Variants in PFKM observed in about 807,000 individuals in gnomAD.
PFKM encodes the protein phosphofructokinase, muscle, also known as ATP-dependent 6-phosphofructokinase, muscle type.
Under a neutral mutation model 95.5 loss-of-function variants are expected in PFKM, and 58 were observed. That is an observed-to-expected ratio of 0.61 (90% CI 0.49 to 0.76). PFKM has a LOEUF of 0.76. Ranked by LOEUF, PFKM falls within the 30% of genes least tolerant of loss-of-function variation. The pLI is 0.00. For missense variants in PFKM, 678 were observed against 1,005.4 expected, an observed-to-expected ratio of 0.67 and a Z score of 4.40; for synonymous variants, 336 against 357.2, an observed-to-expected ratio of 0.94 and a Z score of 0.67.
chr12:48,136,849 G>A (rs76025392), intron 10 of PFKM, among the ~76,000 whole-genome samples: 23 of 151,660 alleles, frequency 1.5e-4, no homozygotes, highest in South Asian at 1.5e-3. Context: ...TGCCCCCTGG[G>A]TTCAAGGGAT....
At chr12:48,118,834 C>T (rs1210058603), upstream of PFKM, among the ~76,000 whole-genome samples, 2 of 152,118 alleles carry the variant, frequency 1.3e-5, no homozygotes, top group African/African-American at 4.8e-5. Context: ...GTTTTTGAGG[C>T]TATTCTATAG....
rs1349236177 is a variant in PFKM, at chr12:48,131,221, T to C, written c.160-95T>C. On this transcript the variant is annotated intron_variant, in intron 3 of 22. Transcript: ENST00000359794. ...GACTCACTAATGGGAGGAGGTGGCT[T>C]GACTCTCAGAGAATCTCTTCCCAGG... 8.0e-6 allele frequency: 7 copies of C among 870,142 alleles called. No individual in the cohort carries two copies. In the African/African-American group the frequency reaches 1.2e-4, roughly 14 times the overall value. 53.9% of individuals were successfully genotyped at this position (870,142 alleles called of 1,614,324 possible).
intron 3 of PFKM, among the ~76,000 whole-genome samples, chr12:48,111,797 G>A (rs776747121): frequency 3.3e-5 from 5 of 152,164 alleles, no homozygotes; most frequent in Admixed American, 6.5e-5. Flanking sequence ...GTGGGAGGCC[G>A]GATGGAAGTC....
intron 1 of PFKM, 177 bp from the exon 2 acceptor site, chr12:48,122,590 C>A: frequency 6.9e-7 from 1 of 1,457,418 alleles, no homozygotes. Flanking sequence ...GCTTGTCAGT[C>A]TACAAGGGTG....
chr12:48,139,972 A>T, intron 13 of PFKM, 60 bp downstream of exon 13: 1 of 1,101,732 alleles, frequency 9.1e-7, no homozygotes, highest in Non-Finnish European at 1.4e-6. Context: ...GTCTCTCTTC[A>T]TAAATGCTAC....
upstream of PFKM, chr12:48,105,682 G>A (rs1946487711): frequency 2.2e-6 from 1 of 445,490 alleles, no homozygotes; most frequent in South Asian, 2.1e-5. Context: ...CAGCTCTGGC[G>A]GGAAAGCCCC....
chr12:48,130,254 T>G, intron 2 of PFKM, 109 bp from the exon 3 acceptor site: 1 of 804,354 alleles, frequency 1.2e-6, no homozygotes, highest in Non-Finnish European at 2.3e-6. Context: ...GAGAAAAGAC[T>G]AAATAAAGTA....
At chr12:48,135,920 GC>G (rs1209358383) in intron 10 of PFKM, among the ~76,000 whole-genome samples, 7,317 of 151,088 alleles carry the variant, frequency 0.048, 497 homozygotes, top group African/African-American at 0.15. Context: ...ACGCACCATT[GC>G]ACTCGCTCCC....
At position 48,139,274 on chromosome 12, in the gene PFKM, TC is replaced by T. The variant is rs757603988; in HGVS notation, c.1063-5del. On this transcript the variant is annotated splice_polypyrimidine_tract_variant and intron_variant, in intron 11 of 22. Coordinates refer to ENST00000359794, the MANE Select transcript of PFKM (RefSeq NM_000289.6). ...CCTGGAGTTGAAACTGTCGCTGTGC[TC>T]CCCCCTCAGACCAAAGATGTGACCA... The T allele has an allele frequency of 1.9e-6, 3 of 1,610,820 alleles. No individual in the cohort carries two copies. The highest frequency in any genetic ancestry group is 2.5e-6 in the Non-Finnish European group (3 of 1,177,720).
At chr12:48,105,708 C>T (rs1478194206), upstream of PFKM, 8 of 489,048 alleles carry the variant, frequency 1.6e-5, no homozygotes, top group South Asian at 1.7e-4. Context: ...CGCAACCGGC[C>T]TTTCCCCAAG....
chr12:48,125,221 C>A, intron 2 of PFKM: 1 of 382,092 alleles, frequency 2.6e-6, no homozygotes, highest in Non-Finnish European at 5.2e-6. Flanking sequence ...TCGGCATATT[C>A]TACCCCTGGA....
chr12:48,138,723 T>G (rs1450923059), intron 11 of PFKM, among the ~76,000 whole-genome samples: 1 of 152,178 alleles, frequency 6.6e-6, no homozygotes, highest in African/African-American at 2.4e-5. Flanking sequence ...ATACTATTTA[T>G]CTGTGAGCAT....
intron 17 of PFKM, chr12:48,142,511 TG>T (rs1555207332): frequency 4.1e-6 from 2 of 488,680 alleles, no homozygotes; most frequent in African/African-American, 4.9e-5. Flanking sequence ...CCAAATGTTT[TG>T]TTTGTTTTTT....
intron 10 of PFKM, among the ~76,000 whole-genome samples, chr12:48,136,327 T>C (rs558385007): frequency 6.6e-6 from 1 of 152,378 alleles, no homozygotes; most frequent in Non-Finnish European, 1.5e-5. Context: ...AGCATAATTC[T>C]CTAGATGTTT....
rs1565889540 is a variant in PFKM at position 48,134,354 on chromosome 12, G to GT, written c.638+79dup. On this transcript the variant is annotated intron_variant, in intron 7 of 22. Transcript: ENST00000359794. ...CCTTTTCCCCAGAGAGTCCAGTGAG[G>GT]TCTCTCAGTAGCAGCAGATCTGGAG... is the stretch of plus-strand genomic sequence containing the variant. The GT allele has an allele frequency of 4.9e-6, 6 of 1,233,606 alleles. No individual in the cohort carries two copies. The East Asian group carries it at 1.4e-4, about 29-fold the overall frequency. The allele number at this position is 1,233,606 out of a possible 1,614,324, so 76.4% of individuals were successfully genotyped here.
At chr12:48,124,869 C>T (rs558649992) in intron 2 of PFKM, among the ~76,000 whole-genome samples, 1 of 152,290 alleles carries the variant, frequency 6.6e-6, no homozygotes, top group South Asian at 2.1e-4. Flanking sequence ...AGCTCAAATT[C>T]AGAAGTCGCC....
chr12:48,143,117 A>G (rs957779174), intron 18 of PFKM, among the ~76,000 whole-genome samples, 171 bp downstream of exon 18: 3 of 152,232 alleles, frequency 2.0e-5, no homozygotes, highest in African/African-American at 7.2e-5. Context: ...CCTCATATGC[A>G]TGACCGCAGC....
chr12:48,143,018 A>G lies in PFKM; in HGVS notation c.1818+72A>G. 2.1e-6 allele frequency: 3 copies of G among 1,434,582 alleles called. No homozygotes were observed. In the South Asian group the frequency reaches 3.6e-5, roughly 17 times the overall value. The allele number at this position is 1,434,582 out of a possible 1,614,324, so 88.9% of individuals were successfully genotyped here. A position where few individuals can be genotyped will look rare whatever the true frequency, so the allele number is the denominator to read the frequency against. On this transcript the variant is annotated intron_variant, in intron 18 of 22. Transcript: ENST00000359794. ...GACTGTTTCCACAGTGATCTGAACT[A>G]TGAGAGCTCAAGTTGAGGACCGAGC...
At position 48,141,839 on chromosome 12, in the gene PFKM, C is replaced by A; in HGVS notation, c.1500+12C>A. 6.2e-7 allele frequency: 1 copy of A among 1,612,784 alleles called. No individual in the cohort carries two copies. Among genetic ancestry groups the A allele is most frequent in the Non-Finnish European group, 8.5e-7 (1 of 1,178,828 alleles). On this transcript the variant is annotated intron_variant, in intron 16 of 22. Coordinates refer to ENST00000359794, the MANE Select transcript of PFKM (RefSeq NM_000289.6). ...TTGGGGGCTTTGAGGTGAGTGCCTG[C>A]CACCATTTCTTCCTCTCTCCCTCCT...
Sources: gnomAD v4.1 joint callset for allele counts (sites outside exome capture counted in the v4.1 genomes callset) on GRCh38, gnomAD v4.1.1 for gene constraint, MANE v1.5 for transcripts, NCBI Gene and HGNC (gene_info 2026-07-23, HGNC 2026-07-21) for gene names.